Variants in DFFA observed in about 807,000 individuals in gnomAD.
The protein encoded by DFFA is DFF45.
DFFA carries 14 observed loss-of-function variants against 28.0 expected under a neutral mutation model. The ratio of observed to expected loss-of-function variants is 0.50; its 90% CI spans 0.33 to 0.78. The LOEUF (loss-of-function observed/expected upper bound fraction) is 0.78. Among genes scored for constraint, DFFA ranks in the 30% least tolerant of loss-of-function variants. DFFA has a pLI of 0.02. For synonymous variants in DFFA, 158 were observed against 170.3 expected (o/e 0.93, Z 0.56); for missense variants, 395 against 407.1 (o/e 0.97, Z 0.26).
At chr1:10,468,925 G>A (rs957168854) in intron 2 of DFFA, among the ~76,000 whole-genome samples, 12 of 152,212 alleles carry the variant, frequency 7.9e-5, no homozygotes, top group Non-Finnish European at 7.4e-5. Flanking sequence ...TTTCAGTAGA[G>A]ATGGACTTTC....
intron 1 of DFFA, among the ~76,000 whole-genome samples, chr1:10,470,859 G>A (rs1478654508): frequency 1.3e-5 from 2 of 149,940 alleles, no homozygotes; most frequent in Non-Finnish European, 3.0e-5. Context: ...GCAGGCAATC[G>A]AGACCATCCT....
rs1254654453 is a variant in DFFA at position 10,463,168 on chromosome 1, T to G, written c.673A>C (p.Thr225Pro). The change falls in exon 5 of 6, where the codon ACG becomes CCG. Residue 225 changes from threonine (T) to proline (P), a missense_variant. By Grantham distance (38) the Thr-to-Pro change is conservative. Transcript: ENST00000377038. ...AFGEEVDAVD[T>P]GISRETSSDV... ...GAGGAGGTCTCTCTGCTGATACCCGTGTCTACTGCATCCACCTCCTCACCA... is the reference window on the plus strand; with the variant it reads ...GAGGAGGTCTCTCTGCTGATACCCGGGTCTACTGCATCCACCTCCTCACCA... 1 of 1,614,188 alleles carries G rather than the reference T, an allele frequency of 6.2e-7. No homozygotes were observed. The highest frequency in any genetic ancestry group is 8.5e-7 in the Non-Finnish European group (1 of 1,180,034).
chr1:10,462,543 A>G, intron 5 of DFFA: 2 of 990,418 alleles, frequency 2.0e-6, no homozygotes, highest in Non-Finnish European at 2.4e-6. Context: ...TCAAGTCAAC[A>G]GTTTCCTTCC....
chr1:10,463,964 C>T (rs1200280936), intron 3 of DFFA, among the ~76,000 whole-genome samples: 12 of 151,992 alleles, frequency 7.9e-5, no homozygotes, highest in Admixed American at 7.9e-4. Context: ...TGCGCCCGGC[C>T]TACAAGGACT....
At chr1:10,467,113 T>C in intron 3 of DFFA, 77 bp downstream of exon 3, 1 of 1,532,100 alleles carries the variant, frequency 6.5e-7, no homozygotes, top group Non-Finnish European at 8.9e-7. Context: ...CTATGGCAAG[T>C]ATGGAAGCTA....
At chr1:10,464,912 C>T (rs1202374784) in intron 3 of DFFA, among the ~76,000 whole-genome samples, 1 of 152,130 alleles carries the variant, frequency 6.6e-6, no homozygotes, top group African/African-American at 2.4e-5. Context: ...TTCGCCACTG[C>T]ACACCCAGTG....
At position 10,461,316 on chromosome 1, in the gene DFFA, TG is replaced by T; in HGVS notation, c.*173del. 9.3e-7 allele frequency: 1 copy of T among 1,071,596 alleles called. No individual in the cohort carries two copies. The highest frequency in any genetic ancestry group is 1.3e-6 in the Non-Finnish European group (1 of 771,822). The allele number at this position is 1,071,596 out of a possible 1,614,324, so 66.4% of individuals were successfully genotyped here. The stretch of plus-strand genomic sequence containing the variant: ...AAATTGGCAGAAGTCCTGAAGCTGG[TG>T]GGGCTAAAAAAAAAATTGGTGGAAC... On this transcript the variant is annotated 3_prime_UTR_variant, in exon 6 of 6. Transcript: ENST00000377038.
intron 5 of DFFA, among the ~76,000 whole-genome samples, chr1:10,462,158 TG>T (rs1448344936): frequency 6.6e-6 from 1 of 152,042 alleles, no homozygotes; most frequent in Non-Finnish European, 1.5e-5. Flanking sequence ...GCGCCCAGCC[TG>T]CCATGGGCTT....
chr1:10,457,746 CTG>C lies in DFFA; in HGVS notation c.*3742_*3743del, dbSNP rs1298372286. 1 of 152,148 alleles carries C rather than the reference CTG, an allele frequency of 6.6e-6. No homozygotes were observed. Among genetic ancestry groups the C allele is most frequent in the Admixed American group, 6.6e-5 (1 of 15,256 alleles). 9.4% of individuals were successfully genotyped at this position (152,148 alleles called of 1,614,324 possible). A position where few individuals can be genotyped will look rare whatever the true frequency, so the allele number is the denominator to read the frequency against. On this transcript the variant is annotated 3_prime_UTR_variant, in exon 6 of 6. Transcript: ENST00000377038. ...TTTCAAGCTTGGAGCCTTAGACTAA[CTG>C]AGAGGTTAGACTCAAGCCGGTTTGT...
At position 10,463,110 on chromosome 1, in the gene DFFA, G is replaced by A. The variant is rs1242289695; in HGVS notation, c.731C>T (p.Ala244Val). The A allele has an allele frequency of 4.3e-6, 7 of 1,614,156 alleles. No individual in the cohort carries two copies. Among genetic ancestry groups the A allele is most frequent in the South Asian group, 1.1e-5 (1 of 91,082 alleles). The change falls in exon 5 of 6, where the codon GCA becomes GTA. Residue 244 changes from alanine (A) to valine (V), a missense_variant. Coordinates refer to ENST00000377038, the MANE Select transcript of DFFA (RefSeq NM_004401.3). ...CTCTGGAGCCTGCTTCTCCCTCAGT[G>A]CAGTAAGGATGTGGCTCGCCAGCGC... Reference protein sequence around the residue: ...DVALASHILTALREKQAPELS... With the variant: ...DVALASHILTVLREKQAPELS...
chr1:10,471,960 C>G (rs933522644), intron 1 of DFFA, among the ~76,000 whole-genome samples: 1 of 152,186 alleles, frequency 6.6e-6, no homozygotes, highest in Non-Finnish European at 1.5e-5. Context: ...CTCCCCACAC[C>G]GCCGTGGGCT....
intron 5 of DFFA, 122 bp downstream of exon 5, chr1:10,462,936 A>G: frequency 6.6e-7 from 1 of 1,514,944 alleles, no homozygotes; most frequent in Non-Finnish European, 8.9e-7. Context: ...TAATAGGCAA[A>G]CTGGCAGCTA....
chr1:10,459,807 T>A lies in DFFA; in HGVS notation c.*1683A>T, dbSNP rs1640902599. Reference sequence around the variant, plus strand: ...GGTGGCATGATCAGCCTTGAGCTCCTGGGCTCAAGTGATACTCTCGCCTTA... The same window carrying A: ...GGTGGCATGATCAGCCTTGAGCTCCAGGGCTCAAGTGATACTCTCGCCTTA... On this transcript the variant is annotated 3_prime_UTR_variant, in exon 6 of 6. Transcript: ENST00000377038. 1 of 151,896 alleles carries A rather than the reference T, an allele frequency of 6.6e-6. No individual in the cohort carries two copies. Among genetic ancestry groups the A allele is most frequent in the Non-Finnish European group, 1.5e-5 (1 of 67,980 alleles). The allele number at this position is 151,896 out of a possible 1,614,324, so 9.4% of individuals were successfully genotyped here. A position where few individuals can be genotyped will look rare whatever the true frequency, so the allele number is the denominator to read the frequency against.
Position 10,463,481 on chromosome 1 carries a change from A to G in DFFA, c.581T>C (p.Leu194Pro). Residue 194 changes from leucine to proline, a missense_variant, in exon 4 of 6, where the codon CTG becomes CCG. By Grantham distance (98) the Leu-to-Pro change is moderately conservative. Transcript: ENST00000377038. The stretch of plus-strand genomic sequence containing the variant: ...CTCTTTCTCCAAAGCCTGGAGGTAC[A>G]GCTGCAGGAGCTGCTTGGACTGACG... Reference protein sequence around the residue: ...EVRQSKQLLQLYLQALEKEGS... With the variant: ...EVRQSKQLLQPYLQALEKEGS... The G allele has an allele frequency of 6.2e-7, 1 of 1,614,074 alleles. No homozygotes were observed. The highest frequency in any genetic ancestry group is 8.5e-7 in the Non-Finnish European group (1 of 1,180,028).
chr1:10,467,680 T>C (rs555472091), intron 2 of DFFA, among the ~76,000 whole-genome samples: 2 of 152,210 alleles, frequency 1.3e-5, no homozygotes, highest in South Asian at 4.2e-4. Context: ...CCAGCTAATT[T>C]TGGTATTTTT....
chr1:10,458,131 T>A lies in DFFA; in HGVS notation c.*3359A>T, dbSNP rs1379859351. 1 of 152,218 alleles carries A rather than the reference T, an allele frequency of 6.6e-6. No homozygotes were observed. The highest frequency in any genetic ancestry group is 1.9e-4 in the East Asian group (1 of 5,202). The allele number at this position is 152,218 out of a possible 1,614,324, so 9.4% of individuals were successfully genotyped here. A position where few individuals can be genotyped will look rare whatever the true frequency, so the allele number is the denominator to read the frequency against. ...TCCAAGGGCAACGCTGCTGACGGTG[T>A]TTGAGCTGACAATCCCCGTGCCCCA... On this transcript the variant is annotated 3_prime_UTR_variant, in exon 6 of 6. Coordinates refer to ENST00000377038, the MANE Select transcript of DFFA (RefSeq NM_004401.3).
rs1417615461 is a variant in DFFA, at chr1:10,463,433, T to G, written c.629A>C (p.Glu210Ala). ...EKEGSLLSKQ[E>A]ESKAAFGEEV... ...ACTCTGCCTGCAGAGAGTCCTACCT[T>G]CCTGCTTTGACAAGAGGCTGCCCTC... The change falls in exon 4 of 6, where the codon GAA becomes GCA. Residue 210 changes from glutamate to alanine, a missense_variant and splice_region_variant. Coordinates refer to ENST00000377038, the MANE Select transcript of DFFA (RefSeq NM_004401.3). 3 of 1,610,772 alleles carry G rather than the reference T, an allele frequency of 1.9e-6. No individual in the cohort carries two copies. The highest frequency in any genetic ancestry group is 2.5e-6 in the Non-Finnish European group (3 of 1,178,654).
rs564592781 is a variant in DFFA, at chr1:10,472,502, G to A, written c.-44C>T. The A allele has an allele frequency of 3.2e-6, 5 of 1,549,750 alleles. No homozygotes were observed. The African/African-American group carries it at 4.1e-5, about 13-fold the overall frequency. ...TGCCCACCTTCGAGAAGTCGCGGGA[G>A]GCCGGAGCGGCGGTCCTTCTACTCG... On this transcript the variant is annotated 5_prime_UTR_variant, in exon 1 of 6. Transcript: ENST00000377038. The surrounding 1 kb of genome is among the most constrained non-coding windows in gnomAD (Gnocchi z 5.0).
intron 1 of DFFA, among the ~76,000 whole-genome samples, chr1:10,469,970 C>T (rs61776041): frequency 0.042 from 6,444 of 151,870 alleles, 333 homozygotes; most frequent in African/African-American, 0.11. Context: ...CACCGGCCAC[C>T]GTGCCTGGCT....
Sources: allele counts gnomAD v4.1 joint callset (sites outside exome capture counted in the v4.1 genomes callset), GRCh38; gene constraint gnomAD v4.1.1; non-coding constraint Gnocchi (gnomAD v3.1); transcripts MANE v1.5; gene names NCBI Gene and HGNC (gene_info 2026-07-23, HGNC 2026-07-21).